LAMA2: variants seen among roughly 807,000 people sequenced by gnomAD.
The protein encoded by LAMA2 is laminin subunit alpha-2.
A neutral mutation model predicts 364.8 loss-of-function variants in LAMA2; 269 were observed. The ratio of observed to expected loss-of-function variants is 0.74; its 90% CI spans 0.67 to 0.82. The LOEUF is 0.82. Among genes scored for constraint, LAMA2 ranks in the 40% least tolerant of loss-of-function variants. LAMA2 has a pLI of 0.00. For synonymous variants in LAMA2, 1,379 were observed against 1,370.6 expected, an observed-to-expected ratio of 1.01 and a Z score of -0.14; for missense variants, 3,807 against 3,873.2, an observed-to-expected ratio of 0.98 and a Z score of 0.45.
intron 7 of LAMA2, among the ~76,000 whole-genome samples, chr6:129,150,174 T>C (rs576231733): frequency 2.6e-5 from 4 of 152,160 alleles, no homozygotes; most frequent in Non-Finnish European, 5.9e-5. Flanking sequence ...TGAGCCACCA[T>C]TGGATCATCA....
chr6:129,316,909 A>G (rs371189544), intron 27 of LAMA2, among the ~76,000 whole-genome samples: 16 of 152,334 alleles, frequency 1.1e-4, no homozygotes, highest in African/African-American at 3.6e-4. Context: ...TATGAGTGTA[A>G]ACTATTATTT....
chr6:128,903,441 G>T (rs1222810473), intron 1 of LAMA2, among the ~76,000 whole-genome samples: 2 of 152,138 alleles, frequency 1.3e-5, no homozygotes, highest in African/African-American at 4.8e-5. Context: ...TTGTATGGAA[G>T]AGTTTTGTTT....
At chr6:129,108,810 T>G (rs989242078) in intron 4 of LAMA2, among the ~76,000 whole-genome samples, 13 of 152,078 alleles carry the variant, frequency 8.5e-5, no homozygotes, top group African/African-American at 3.1e-4. Flanking sequence ...CCTCTAAAAG[T>G]TTACTATATG....
intron 1 of LAMA2, among the ~76,000 whole-genome samples, chr6:129,006,174 G>T (rs1784434049): frequency 6.6e-6 from 1 of 152,034 alleles, no homozygotes; most frequent in Non-Finnish European, 1.5e-5. Context: ...AAATATCACA[G>T]GCTAGGATCA....
At chr6:128,961,629 C>T (rs373205121) in intron 1 of LAMA2, among the ~76,000 whole-genome samples, 2 of 148,102 alleles carry the variant, frequency 1.4e-5, no homozygotes, top group South Asian at 4.2e-4. Flanking sequence ...CATTTTCTGC[C>T]TGCTTTATAT....
chr6:128,937,009 G>T (rs1779861146), intron 1 of LAMA2, among the ~76,000 whole-genome samples: 1 of 152,160 alleles, frequency 6.6e-6, no homozygotes, highest in African/African-American at 2.4e-5. Flanking sequence ...AAACAGGACA[G>T]TGTAAGATTT....
At chr6:128,922,156 C>A (rs1778780264) in intron 1 of LAMA2, among the ~76,000 whole-genome samples, 1 of 151,934 alleles carries the variant, frequency 6.6e-6, no homozygotes, top group Non-Finnish European at 1.5e-5. Flanking sequence ...TGAAAAATGC[C>A]ACAATAAACA....
At chr6:128,891,344 G>T (rs893011777) in intron 1 of LAMA2, among the ~76,000 whole-genome samples, 3 of 152,036 alleles carry the variant, frequency 2.0e-5, no homozygotes, top group African/African-American at 7.2e-5. Context: ...AGAAGAAATA[G>T]AGTTAGTAGA....
At chr6:128,951,712 G>T (rs946647900) in intron 1 of LAMA2, among the ~76,000 whole-genome samples, 4 of 152,080 alleles carry the variant, frequency 2.6e-5, no homozygotes, top group Admixed American at 1.3e-4. Flanking sequence ...GCTTCTTATT[G>T]TCCCCAAAAC....
intron 9 of LAMA2, among the ~76,000 whole-genome samples, chr6:129,174,792 C>T (rs1264669099): frequency 6.6e-6 from 1 of 152,118 alleles, no homozygotes; most frequent in African/African-American, 2.4e-5. Flanking sequence ...GCCAGCGCAA[C>T]GATTCTGTTA....
intron 1 of LAMA2, among the ~76,000 whole-genome samples, chr6:128,912,224 A>G (rs1030125572): frequency 1.3e-5 from 2 of 152,224 alleles, no homozygotes; most frequent in African/African-American, 4.8e-5. Context: ...ATTGTTTTCT[A>G]AATGAAGGCA....
chr6:129,444,745 A>T (rs1258253605), intron 44 of LAMA2, among the ~76,000 whole-genome samples: 2 of 152,220 alleles, frequency 1.3e-5, no homozygotes, highest in Non-Finnish European at 1.5e-5. Flanking sequence ...GATCATTCAG[A>T]GTCTAACACA....
chr6:129,300,895 CT>C (rs772592314), intron 22 of LAMA2, 23 bp downstream of exon 22: 5 of 1,613,112 alleles, frequency 3.1e-6, no homozygotes, highest in African/African-American at 2.7e-5. Context: ...CTTTTTTGCT[CT>C]GATAATTTTT....
Position 129,177,807 on chromosome 6 carries a change from A to T in LAMA2, c.1408A>T (p.Asn470Tyr). Residue 470 changes from asparagine to tyrosine, a missense_variant, in exon 10 of 65, where the codon AAC becomes TAC. Around this residue, in one of 3 missense-constraint regions of LAMA2, gnomAD observed 3,333 missense variants for 3,345.7 expected, o/e 1.00. Coordinates refer to ENST00000421865, the MANE Select transcript of LAMA2 (RefSeq NM_000426.4). ...TGGCTACCCGGACTGCAAAGCCTGT[A>T]ACTGCAGTGGGTTAGGGAGCAAAAA... ...YTGYPDCKAC[N>Y]CSGLGSKNED... is the part of the protein sequence containing the mutation. 6.2e-7 allele frequency: 1 copy of T among 1,613,960 alleles called. No homozygotes were observed. Among genetic ancestry groups the T allele is most frequent in the Non-Finnish European group, 8.5e-7 (1 of 1,179,896 alleles).
chr6:129,332,915 G>T (rs1207895044), intron 29 of LAMA2, among the ~76,000 whole-genome samples: 3 of 123,456 alleles, frequency 2.4e-5, no homozygotes, highest in Non-Finnish European at 4.9e-5. Flanking sequence ...TTTTTTGAGA[G>T]GGAGTCTTGC....
intron 1 of LAMA2, among the ~76,000 whole-genome samples, chr6:128,934,929 A>T (rs537908419): frequency 6.6e-6 from 1 of 152,348 alleles, no homozygotes; most frequent in African/African-American, 2.4e-5. Context: ...TCATGAACAC[A>T]GAAAGTCTTT....
intron 12 of LAMA2, among the ~76,000 whole-genome samples, chr6:129,205,491 TATACACAC>T (rs1197952607): frequency 1.6e-5 from 2 of 123,090 alleles, no homozygotes; most frequent in Non-Finnish European, 3.5e-5. Context: ...TATATATATA[TATACACAC>T]ACACACACAC....
At chr6:128,955,366 C>T (rs1781076143) in intron 1 of LAMA2, among the ~76,000 whole-genome samples, 1 of 152,044 alleles carries the variant, frequency 6.6e-6, no homozygotes, top group Non-Finnish European at 1.5e-5. Flanking sequence ...ACTGGGGCCA[C>T]ACAGCTAGGA....
intron 1 of LAMA2, among the ~76,000 whole-genome samples, chr6:129,012,087 C>A (rs1784801230): frequency 6.6e-6 from 1 of 152,122 alleles, no homozygotes; most frequent in South Asian, 2.1e-4. Flanking sequence ...TCATTTGATG[C>A]AGTTCTATAC....
Sources: allele counts gnomAD v4.1 joint callset (sites outside exome capture counted in the v4.1 genomes callset), GRCh38; gene constraint gnomAD v4.1.1; regional missense constraint gnomAD v4.1.1; transcripts MANE v1.5; gene names NCBI Gene and HGNC (gene_info 2026-07-23, HGNC 2026-07-21).